SPG11: variants seen among roughly 807,000 people sequenced by gnomAD.
The protein encoded by SPG11 is SPG11 vesicle trafficking associated, spatacsin.
SPG11 carries 222 observed loss-of-function variants against 274.0 expected under a neutral mutation model. The ratio of observed to expected loss-of-function variants is 0.81; its 90% CI spans 0.73 to 0.91. SPG11 has a LOEUF of 0.91. Among genes scored for constraint, SPG11 ranks in the 40% least tolerant of loss-of-function variants. The pLI is 0.00. For synonymous variants in SPG11, 1,144 were observed against 1,039.7 expected (o/e 1.10, Z -1.93); for missense variants, 3,114 against 2,872.7 (o/e 1.08, Z -1.92).
intron 7 of SPG11, among the ~76,000 whole-genome samples, chr15:44,635,775 G>T (rs1342509456): frequency 6.6e-6 from 1 of 151,756 alleles, no homozygotes. Flanking sequence ...AAATTAGCTG[G>T]GTGTGGTGGT....
intron 30 of SPG11, among the ~76,000 whole-genome samples, chr15:44,580,303 C>T (rs2082634102): frequency 1.3e-5 from 2 of 152,126 alleles, no homozygotes; most frequent in South Asian, 4.1e-4. Context: ...GTCTATACCA[C>T]CTAGGTTTGT....
chr15:44,575,930 G>A (rs1290166318), intron 30 of SPG11, among the ~76,000 whole-genome samples: 2 of 151,748 alleles, frequency 1.3e-5, no homozygotes, highest in East Asian at 3.9e-4. Context: ...ATCACTTGAG[G>A]TCAGGAGTTC....
chr15:44,614,663 T>TA (rs1304274462), intron 16 of SPG11, among the ~76,000 whole-genome samples: 1 of 152,252 alleles, frequency 6.6e-6, no homozygotes, highest in African/African-American at 2.4e-5. Context: ...GTAACATACT[T>TA]AGTCTCTCTC....
chr15:44,564,378 T>C (rs1276899289), intron 39 of SPG11, among the ~76,000 whole-genome samples, 169 bp downstream of exon 39: 1 of 152,224 alleles, frequency 6.6e-6, no homozygotes. Context: ...GTTGATCTCT[T>C]TGCATAAATC....
In SPG11 at chr15:44,583,887, G is replaced by C. The variant is rs781271890; in HGVS notation, c.5793C>G (p.Ile1931Met). 91 of 1,614,068 alleles carry C rather than the reference G, an allele frequency of 5.6e-5. No individual in the cohort carries two copies. Among genetic ancestry groups the C allele is most frequent in the Non-Finnish European group, 7.6e-5 (90 of 1,180,038 alleles). ...GCTCAGCACTTTGTAGGAGAGCATG[G>C]ATCTCTGGGTGCAGATCCTCCATAC... ...EASMEDLHPE[I>M]HALLQSAELL... The change falls in exon 30 of 40, where the codon ATC becomes ATG. Residue 1931 changes from isoleucine (I) to methionine (M), a missense_variant. Ile to Met is a conservative substitution (Grantham distance 10). Transcript: ENST00000261866.
intron 15 of SPG11, among the ~76,000 whole-genome samples, chr15:44,616,172 C>A (rs1426758909): frequency 1.3e-5 from 2 of 151,850 alleles, no homozygotes; most frequent in Non-Finnish European, 2.9e-5. Flanking sequence ...CCAGAGGTAG[C>A]CACTATCTTG....
At chr15:44,566,511 T>C (rs552722068) in intron 36 of SPG11, among the ~76,000 whole-genome samples, 4 of 152,340 alleles carry the variant, frequency 2.6e-5, no homozygotes, top group Admixed American at 1.3e-4. Context: ...GTGCCCCTTC[T>C]AATGCCTCAT....
intron 11 of SPG11, among the ~76,000 whole-genome samples, chr15:44,623,187 G>A (rs1470910374): frequency 6.6e-6 from 1 of 152,084 alleles, no homozygotes. Flanking sequence ...AGGCTCAAGT[G>A]ATCCTCCTGC....
At position 44,572,674 on chromosome 15, in the gene SPG11, A is replaced by G. The variant is rs1291103294; in HGVS notation, c.6343+9T>C. On this transcript the variant is annotated intron_variant, in intron 33 of 39. Transcript: ENST00000261866. ...GCCAAAATATGTAAGAAAAAGGTCAATAACTTACTGCAAGACAGTTCCCCA... is the reference window on the plus strand; with the variant it reads ...GCCAAAATATGTAAGAAAAAGGTCAGTAACTTACTGCAAGACAGTTCCCCA... 2 of 1,614,146 alleles carry G rather than the reference A, an allele frequency of 1.2e-6. No homozygotes were observed. The highest frequency in any genetic ancestry group is 4.5e-5 in the East Asian group (2 of 44,886).
intron 30 of SPG11, among the ~76,000 whole-genome samples, chr15:44,580,455 T>G (rs2082636806): frequency 6.6e-6 from 1 of 152,062 alleles, no homozygotes; most frequent in Non-Finnish European, 1.5e-5. Flanking sequence ...AATTATCCAA[T>G]CTGAACAACA....
chr15:44,611,041 G>T, intron 17 of SPG11, 56 bp from the exon 18 acceptor site: 1 of 1,283,942 alleles, frequency 7.8e-7, no homozygotes, highest in Non-Finnish European at 1.0e-6. Flanking sequence ...CTAAATTAAG[G>T]ATTACATAAA....
At chr15:44,649,665 G>GCAGACCA (rs200342453) in intron 6 of SPG11, among the ~76,000 whole-genome samples, 2,189 of 152,128 alleles carry the variant, frequency 0.014, 54 homozygotes, top group East Asian at 0.097. Flanking sequence ...GCCGAGGTGG[G>GCAGACCA]CAGACCACCT....
In SPG11 at chr15:44,620,138, T is replaced by G. The variant is rs2083700008; in HGVS notation, c.2834+52A>C. The G allele has an allele frequency of 2.2e-6, 3 of 1,390,782 alleles. No individual in the cohort carries two copies. The African/African-American group carries it at 4.3e-5, about 20-fold the overall frequency. 86.2% of individuals were successfully genotyped at this position (1,390,782 alleles called of 1,614,324 possible). ...GAAAAGCTATACCATTATTTTTTCT[T>G]GCTCTTCCCTTGTATTCTTCCCATT... is the stretch of plus-strand genomic sequence containing the variant. On this transcript the variant is annotated intron_variant, in intron 15 of 39. Coordinates refer to ENST00000261866, the MANE Select transcript of SPG11 (RefSeq NM_025137.4).
chr15:44,574,193 G>A lies in SPG11; in HGVS notation c.6007-448C>T, dbSNP rs1038559413. Among the ~76,000 whole-genome samples the A allele has an allele frequency of 3.3e-5, 5 of 152,284 alleles. No homozygotes were observed. The South Asian group carries it at 1.0e-3, about 32-fold the overall frequency. On this transcript the variant is annotated intron_variant, in intron 31 of 39. Transcript: ENST00000261866. ...TAATTTTAGTATTTTTGGTAGAGAT[G>A]GGGTTTCTCCATGTTGGTCAGGCTG...
At chr15:44,622,548 T>C in intron 12 of SPG11, 180 bp downstream of exon 12, 1 of 742,702 alleles carries the variant, frequency 1.3e-6, no homozygotes, top group Non-Finnish European at 2.2e-6. Context: ...GCCACAAATG[T>C]AAAATAGTCA....
chr15:44,595,061 C>G (rs1426538565), intron 26 of SPG11, among the ~76,000 whole-genome samples, 198 bp downstream of exon 26: 1 of 152,190 alleles, frequency 6.6e-6, no homozygotes, highest in East Asian at 1.9e-4. Context: ...AAGTGATCCA[C>G]CCGCCTCAGC....
In SPG11 at chr15:44,651,915, T is replaced by A; in HGVS notation, c.1032A>T (p.Ser344=). The A allele has an allele frequency of 6.2e-7, 1 of 1,611,798 alleles. No individual in the cohort carries two copies. The highest frequency in any genetic ancestry group is 1.7e-5 in the Admixed American group (1 of 59,642). ...IDRSWKAQLS[S]LNETIKNSKL... ...TGGAGTTCTTTATTGTTTCATTCAA[T>A]GATGATAGCTGGGCTTTCCAAGACC... Residue 344 remains serine (S), a synonymous_variant, in exon 6 of 40, where the codon TCA becomes TCT. Transcript: ENST00000261866.
At chr15:44,662,754 G>A (rs1595943632) in intron 1 of SPG11, among the ~76,000 whole-genome samples, 2 of 151,862 alleles carry the variant, frequency 1.3e-5, no homozygotes, top group East Asian at 1.9e-4. Context: ...CAAGAGTTAC[G>A]GAAGTACAAA....
rs759063821 is a variant in SPG11 at position 44,585,663 on chromosome 15, T to C, written c.5094A>G (p.Leu1698=). Residue 1698 remains leucine (L), a synonymous_variant, in exon 29 of 40, where the codon TTA becomes TTG. Coordinates refer to ENST00000261866, the MANE Select transcript of SPG11 (RefSeq NM_025137.4). ...LARRVAELAE[L]PVDNLVIKEI... ...CTTTAATAACCAAGTTGTCCACAGG[T>C]AACTCAGCTAATTCTGCTACCCTCC... is the stretch of plus-strand genomic sequence containing the variant. 4.4e-6 allele frequency: 7 copies of C among 1,606,958 alleles called. No individual in the cohort carries two copies. Among genetic ancestry groups the C allele is most frequent in the African/African-American group, 1.4e-5 (1 of 73,734 alleles).
Sources: gnomAD v4.1 joint callset for allele counts (sites outside exome capture counted in the v4.1 genomes callset) on GRCh38, gnomAD v4.1.1 for gene constraint, MANE v1.5 for transcripts, NCBI Gene and HGNC (gene_info 2026-07-23, HGNC 2026-07-21) for gene names.